Variants in KHDRBS2 observed in about 807,000 individuals in gnomAD.
KHDRBS2 encodes the protein KH domain-containing, RNA-binding, signal transduction-associated protein 2.
In KHDRBS2, 26 loss-of-function variants were observed where a neutral mutation model predicts 44.3. That is an observed-to-expected ratio of 0.59 (90% CI 0.43 to 0.81). The LOEUF is 0.81. Ranked by LOEUF, KHDRBS2 falls within the 40% of genes least tolerant of loss-of-function variation. KHDRBS2 has a pLI of 0.00. For synonymous variants in KHDRBS2, 194 were observed against 151.1 expected, an observed-to-expected ratio of 1.28 and a Z score of -2.08; for missense variants, 476 against 433.1, an observed-to-expected ratio of 1.10 and a Z score of -0.88.
At chr6:61,946,033 A>T (rs987349857) in intron 4 of KHDRBS2, among the ~76,000 whole-genome samples, 1 of 152,164 alleles carries the variant, frequency 6.6e-6, no homozygotes, top group Non-Finnish European at 1.5e-5. Flanking sequence ...GAGAGAGAGT[A>T]ATGAGAGATA....
intron 1 of KHDRBS2, among the ~76,000 whole-genome samples, chr6:62,195,517 T>C (rs1825497922): frequency 6.6e-6 from 1 of 152,110 alleles, no homozygotes; most frequent in Non-Finnish European, 1.5e-5. Context: ...AAACAAAAGT[T>C]CTCCCTTAGA....
chr6:61,782,718 T>C (rs1038271885), intron 6 of KHDRBS2, among the ~76,000 whole-genome samples: 1 of 101,302 alleles, frequency 9.9e-6, no homozygotes, highest in South Asian at 3.1e-4. Context: ...TATATATATA[T>C]ATATATATAT....
At chr6:61,573,424 A>G in the KHDRBS2 span, among the ~76,000 whole-genome samples, 1 of 152,094 alleles carries the variant, frequency 6.6e-6, no homozygotes, top group Non-Finnish European at 1.5e-5. Context: ...CTGCAATACC[A>G]TCAAAGTATG....
chr6:61,917,850 CATA>C (rs1409997395), intron 4 of KHDRBS2, among the ~76,000 whole-genome samples: 2 of 151,934 alleles, frequency 1.3e-5, no homozygotes, highest in Admixed American at 1.3e-4. Context: ...ATTTCAATAG[CATA>C]ATGTTATGAA....
chr6:61,860,021 G>A (rs1284228758), intron 6 of KHDRBS2, among the ~76,000 whole-genome samples: 1 of 151,956 alleles, frequency 6.6e-6, no homozygotes, highest in African/African-American at 2.4e-5. Flanking sequence ...CATAATCAAT[G>A]TTTGAGAATA....
In KHDRBS2 at chr6:61,777,874, C is replaced by T. The variant is rs368334414; in HGVS notation, c.811-45110G>A. Among the ~76,000 whole-genome samples, 411 of 151,944 alleles carry T rather than the reference C, an allele frequency of 2.7e-3. 3 individuals carry two copies. Among genetic ancestry groups the T allele is most frequent in the African/African-American group, 9.6e-3 (399 of 41,436 alleles). ...TCCTTTTTAACTTTAATTTTAGGTT[C>T]GAGGTACATGTGAAGGTTTGTTGTA... is the stretch of plus-strand genomic sequence containing the variant. On this transcript the variant is annotated intron_variant, in intron 6 of 8. Coordinates refer to ENST00000281156, the MANE Select transcript of KHDRBS2 (RefSeq NM_152688.4).
chr6:62,210,546 G>T (rs1000825192), intron 1 of KHDRBS2, among the ~76,000 whole-genome samples: 1 of 151,918 alleles, frequency 6.6e-6, no homozygotes, highest in African/African-American at 2.4e-5. Flanking sequence ...GGCCAGGCTG[G>T]TCTAGAACTC....
chr6:61,710,785 G>T (rs1770371862), intron 7 of KHDRBS2, among the ~76,000 whole-genome samples: 1 of 131,284 alleles, frequency 7.6e-6, no homozygotes. Context: ...AGCTCTCATT[G>T]TACCTGAGCT....
intron 2 of KHDRBS2, among the ~76,000 whole-genome samples, chr6:62,132,206 A>G (rs1810488642): frequency 6.6e-6 from 1 of 152,178 alleles, no homozygotes; most frequent in Non-Finnish European, 1.5e-5. Flanking sequence ...AATACATGGA[A>G]GAGTATATTT....
intron 3 of KHDRBS2, among the ~76,000 whole-genome samples, chr6:61,988,682 T>A (rs1263944479): frequency 6.6e-6 from 1 of 152,168 alleles, no homozygotes; most frequent in Non-Finnish European, 1.5e-5. Context: ...AGAAACTGGT[T>A]GAGTACACTT....
At chr6:61,733,153 A>G (rs1774756636) in intron 6 of KHDRBS2, among the ~76,000 whole-genome samples, 1 of 152,144 alleles carries the variant, frequency 6.6e-6, no homozygotes, top group South Asian at 2.1e-4. Flanking sequence ...TTCTCCTTTT[A>G]ATAATCATAA....
chr6:61,630,210 TAGAA>T, the KHDRBS2 span: 1 of 152,146 alleles, frequency 6.6e-6, no homozygotes, highest in Non-Finnish European at 1.5e-5. Flanking sequence ...ATGAGACTAG[TAGAA>T]AGAAATACAA....
At chr6:61,553,625 T>C in the KHDRBS2 span, among the ~76,000 whole-genome samples, 3 of 152,140 alleles carry the variant, frequency 2.0e-5, no homozygotes, top group Admixed American at 2.0e-4. Context: ...TTTCCAACTT[T>C]TTTATGTTGA....
intron 6 of KHDRBS2, among the ~76,000 whole-genome samples, chr6:61,861,546 G>C (rs1288878530): frequency 6.6e-6 from 1 of 151,722 alleles, no homozygotes; most frequent in South Asian, 2.1e-4. Context: ...TTATTTCTGC[G>C]TTCTCTATTC....
chr6:61,819,029 T>A (rs563017959), intron 6 of KHDRBS2, among the ~76,000 whole-genome samples: 1 of 152,158 alleles, frequency 6.6e-6, no homozygotes, highest in Admixed American at 6.6e-5. Context: ...TTGAATTAAC[T>A]ACTTCCTCTA....
chr6:61,675,861 G>C (rs1196846973), downstream of KHDRBS2, among the ~76,000 whole-genome samples: 1 of 151,722 alleles, frequency 6.6e-6, no homozygotes, highest in Non-Finnish European at 1.5e-5. Context: ...ATCTAACCAA[G>C]AGTTAGAGCA....
rs1188471190 is a variant in KHDRBS2 at position 61,993,650 on chromosome 6, C to CATAT, written c.337-15442_337-15439dup. Among the ~76,000 whole-genome samples, 335 of 66,392 alleles carry CATAT rather than the reference C, an allele frequency of 5.0e-3. 2 individuals carry two copies. Among genetic ancestry groups the CATAT allele is most frequent in the African/African-American group, 0.012 (310 of 25,218 alleles). The allele number at this position is 66,392 out of a possible 152,430, so 43.6% of individuals were successfully genotyped here. A position where few individuals can be genotyped will look rare whatever the true frequency, so the allele number is the denominator to read the frequency against. ...CTCTACTCCTTCAGTCCCATAAAAT[C>CATAT]ATATATATATATATATATATATATT... On this transcript the variant is annotated intron_variant, in intron 3 of 8. Coordinates refer to ENST00000281156, the MANE Select transcript of KHDRBS2 (RefSeq NM_152688.4).
chr6:61,938,261 G>GACA lies in KHDRBS2; in HGVS notation c.484-36893_484-36891dup, dbSNP rs201707585. 2.6e-5 allele frequency among the ~76,000 whole-genome samples: 4 copies of GACA among 151,990 alleles called. No homozygotes were observed. In the East Asian group the frequency reaches 7.7e-4, roughly 29 times the overall value. On this transcript the variant is annotated intron_variant, in intron 4 of 8. Transcript: ENST00000281156. ...GTGTGTATTCAGGAGAGTTGCAAAT[G>GACA]ACAACAACAACAACATAAAAAGGTT...
chr6:61,599,629 AG>A, the KHDRBS2 span, among the ~76,000 whole-genome samples: 1 of 152,226 alleles, frequency 6.6e-6, no homozygotes, highest in East Asian at 1.9e-4. Context: ...TCTGACACCC[AG>A]TAGGCCCTCC....
Sources: gnomAD v4.1 joint callset for allele counts (sites outside exome capture counted in the v4.1 genomes callset) on GRCh38, gnomAD v4.1.1 for gene constraint, MANE v1.5 for transcripts, NCBI Gene and HGNC (gene_info 2026-07-23, HGNC 2026-07-21) for gene names.